The following CEMIP2 variants were observed in gnomAD, a reference collection of about 807,000 sequenced individuals.
The protein encoded by CEMIP2 is cell surface hyaluronidase CEMIP2.
CEMIP2 carries 79 observed loss-of-function variants against 146.9 expected under a neutral mutation model. That is an observed-to-expected ratio of 0.54 (90% CI 0.45 to 0.65). CEMIP2 has a LOEUF of 0.65. CEMIP2 is among the 30% of genes least tolerant of loss of function. The pLI, the probability that CEMIP2 is intolerant of heterozygous loss-of-function variation, is 0.00. For missense variants in CEMIP2, 1,596 were observed against 1,696.2 expected (o/e 0.94, Z 1.04); for synonymous variants, 601 against 606.3 (o/e 0.99, Z 0.13).
chr9:71,749,030 CAGAT>C (rs1363004560), intron 2 of CEMIP2, among the ~76,000 whole-genome samples: 1 of 152,174 alleles, frequency 6.6e-6, no homozygotes, highest in Non-Finnish European at 1.5e-5. Flanking sequence ...TGATTTTAGA[CAGAT>C]GGATGGTATT....
intron 17 of CEMIP2, among the ~76,000 whole-genome samples, chr9:71,708,387 A>G (rs1415565016): frequency 1.3e-5 from 2 of 152,206 alleles, no homozygotes; most frequent in African/African-American, 2.4e-5. Flanking sequence ...AGCAGCGGGC[A>G]CTGAACTATG....
At position 71,734,896 on chromosome 9, in the gene CEMIP2, C is replaced by A; in HGVS notation, c.1303G>T (p.Val435Phe). Residue 435 changes from valine (V) to phenylalanine (F), a missense_variant, in exon 6 of 24, where the codon GTC becomes TTC. Transcript: ENST00000377044. ...TACATGGAATAGTCTGTGCTTGCGA[C>A]CACAATCTGGTCTCCAGGTTTCCAA... ...SSWKPGDQIV[V>F]ASTDYSMYQA... 6.2e-7 allele frequency: 1 copy of A among 1,613,970 alleles called. No homozygotes were observed. The highest frequency in any genetic ancestry group is 8.5e-7 in the Non-Finnish European group (1 of 1,180,018).
intron 1 of CEMIP2, among the ~76,000 whole-genome samples, chr9:71,754,484 A>T (rs1177000136): frequency 6.6e-6 from 1 of 151,970 alleles, no homozygotes; most frequent in African/African-American, 2.4e-5. Context: ...ATCACATGTT[A>T]TTTTTTTTAA....
At chr9:71,739,689 C>T (rs1016921056) in intron 5 of CEMIP2, among the ~76,000 whole-genome samples, 28 of 152,242 alleles carry the variant, frequency 1.8e-4, no homozygotes, top group African/African-American at 1.2e-4. Flanking sequence ...ACTCACAGCC[C>T]GTGGGCCACA....
intron 1 of CEMIP2, among the ~76,000 whole-genome samples, chr9:71,766,753 A>G (rs1824808302): frequency 6.6e-6 from 1 of 152,218 alleles, no homozygotes; most frequent in Admixed American, 6.5e-5. Context: ...TCACTATCTC[A>G]TTCACAGGTT....
chr9:71,696,283 C>T (rs1238035994), intron 20 of CEMIP2, among the ~76,000 whole-genome samples: 1 of 152,152 alleles, frequency 6.6e-6, no homozygotes, highest in African/African-American at 2.4e-5. Context: ...CCCACAAAGA[C>T]TACCTCAAAA....
rs201167320 is a variant in CEMIP2 at position 71,712,059 on chromosome 9, G to A, written c.2769+24C>T. On this transcript the variant is annotated intron_variant, in intron 16 of 23. Transcript: ENST00000377044. ...CTCCTTTTTTCACCATAGTCACTAC[G>A]TAAGAACTACAGAACATACTTACAT... 4.1e-4 allele frequency: 660 copies of A among 1,607,506 alleles called. 1 individual carries two copies. Among genetic ancestry groups the A allele is most frequent in the Middle Eastern group, 1.8e-3 (11 of 6,010 alleles).
chr9:71,758,263 A>G (rs1230285468), intron 1 of CEMIP2, among the ~76,000 whole-genome samples: 2 of 152,152 alleles, frequency 1.3e-5, no homozygotes, highest in East Asian at 1.9e-4. Flanking sequence ...AAACCCTTAG[A>G]CCTCTAAACA....
At chr9:71,748,220 C>T (rs998995277) in intron 2 of CEMIP2, among the ~76,000 whole-genome samples, 7 of 152,142 alleles carry the variant, frequency 4.6e-5, no homozygotes, top group African/African-American at 1.7e-4. Flanking sequence ...TTAGAACCAT[C>T]ACCAAAAATT....
chr9:71,683,610 A>G lies in CEMIP2; in HGVS notation c.*1587T>C, dbSNP rs1821968468. On this transcript the variant is annotated 3_prime_UTR_variant, in exon 24 of 24. Coordinates refer to ENST00000377044, the MANE Select transcript of CEMIP2 (RefSeq NM_013390.3). ...ATATTTAATAGGTAAGATCTCATTC[A>G]TCAATATACAAAAAAAAAAAACAAA... 9.0e-6 allele frequency: 1 copy of G among 110,678 alleles called. No homozygotes were observed. Among genetic ancestry groups the G allele is most frequent in the Admixed American group, 1.0e-4 (1 of 9,662 alleles). 6.9% of individuals were successfully genotyped at this position (110,678 alleles called of 1,614,324 possible).
intron 11 of CEMIP2, among the ~76,000 whole-genome samples, chr9:71,723,773 G>T (rs1191083584): frequency 1.3e-5 from 2 of 152,174 alleles, no homozygotes; most frequent in African/African-American, 4.8e-5. Flanking sequence ...GGACCAGTGT[G>T]TGTGTGCGCA....
intron 17 of CEMIP2, among the ~76,000 whole-genome samples, chr9:71,706,380 G>GC (rs1367471977): frequency 6.6e-6 from 1 of 151,970 alleles, no homozygotes; most frequent in Non-Finnish European, 1.5e-5. Context: ...GCAGAACTGG[G>GC]CTTCTGGCCC....
rs61299588 is a variant in CEMIP2 at position 71,712,980 on chromosome 9, A to G, written c.2592-720T>C. ...TATAGCAACTAATTATTCTACAACT[A>G]GGCAATGTTTTACAGCAAAAGCATA... On this transcript the variant is annotated intron_variant, in intron 15 of 23. Transcript: ENST00000377044. 4.2e-3 allele frequency among the ~76,000 whole-genome samples: 639 copies of G among 152,320 alleles called. 1 individual carries two copies. The highest frequency in any genetic ancestry group is 0.015 in the African/African-American group (608 of 41,568).
chr9:71,699,689 G>A (rs1012260623), intron 19 of CEMIP2, among the ~76,000 whole-genome samples: 3 of 151,798 alleles, frequency 2.0e-5, no homozygotes, highest in African/African-American at 4.8e-5. Flanking sequence ...CCCCAAACAC[G>A]CAATGCCATG....
chr9:71,698,168 C>A lies in CEMIP2; in HGVS notation c.3414G>T (p.Arg1138Ser). The A allele has an allele frequency of 6.2e-7, 1 of 1,614,150 alleles. No homozygotes were observed. Among genetic ancestry groups the A allele is most frequent in the East Asian group, 2.2e-5 (1 of 44,880 alleles). ...GAGATGAACAGTAACTGTGGCCATG[C>A]CTGTGGCTTTTGGCTTTGAGATACA... is the stretch of plus-strand genomic sequence containing the variant. The part of the protein sequence containing the change: ...LFLYLKAKSH[R>S]HGHSYCSSQG... The change falls in exon 20 of 24, where the codon AGG (arginine) becomes AGT (serine). Residue 1138 changes from arginine to serine, a missense_variant. Physicochemically the swap from Arg to Ser is moderately radical, Grantham distance 110. Transcript: ENST00000377044.
chr9:71,715,221 A>C, intron 14 of CEMIP2, 132 bp from the exon 15 acceptor site: 2 of 822,072 alleles, frequency 2.4e-6, no homozygotes, highest in Non-Finnish European at 3.5e-6. Flanking sequence ...ACACATTCAC[A>C]AGTCTTCAGA....
chr9:71,738,677 A>C (rs574921485), intron 5 of CEMIP2, among the ~76,000 whole-genome samples: 1 of 152,062 alleles, frequency 6.6e-6, no homozygotes, highest in East Asian at 1.9e-4. Context: ...ATCTCTACTA[A>C]AAATACAAAA....
intron 1 of CEMIP2, among the ~76,000 whole-genome samples, chr9:71,767,910 T>C (rs1824847270): frequency 6.6e-6 from 1 of 152,172 alleles, no homozygotes; most frequent in Non-Finnish European, 1.5e-5. Context: ...AAGCCCGGAC[T>C]GCAAAGCACA....
intron 21 of CEMIP2, among the ~76,000 whole-genome samples, 185 bp from the exon 22 acceptor site, chr9:71,690,431 A>G (rs1822194882): frequency 6.6e-6 from 1 of 152,206 alleles, no homozygotes; most frequent in African/African-American, 2.4e-5. Context: ...GTTCCTAGGC[A>G]CTGCCTATAG....
Sources: gnomAD v4.1 joint callset for allele counts (sites outside exome capture counted in the v4.1 genomes callset) on GRCh38, gnomAD v4.1.1 for gene constraint, MANE v1.5 for transcripts, NCBI Gene and HGNC (gene_info 2026-07-23, HGNC 2026-07-21) for gene names.